Variants in STK33 observed in about 807,000 individuals in gnomAD.
The protein encoded by STK33 is serine/threonine-protein kinase 33.
In STK33, 52 loss-of-function variants were observed where a neutral mutation model predicts 58.0. That is an observed-to-expected ratio of 0.90 (90% CI 0.72 to 1.13). The LOEUF is 1.13. Ranked by LOEUF, STK33 falls within the 50% of genes most tolerant of loss-of-function variation. STK33 has a pLI of 0.00. For synonymous variants in STK33, 215 were observed against 200.1 expected, an observed-to-expected ratio of 1.07 and a Z score of -0.63; for missense variants, 630 against 604.2, an observed-to-expected ratio of 1.04 and a Z score of -0.45.
chr11:8,547,968 C>T (rs1390490881), intron 1 of STK33, among the ~76,000 whole-genome samples: 1 of 146,620 alleles, frequency 6.8e-6, no homozygotes, highest in Non-Finnish European at 1.5e-5. Context: ...ACAATGAGAA[C>T]ACTTGGACAC....
At chr11:8,521,230 A>G (rs946646900) in intron 1 of STK33, among the ~76,000 whole-genome samples, 3 of 152,162 alleles carry the variant, frequency 2.0e-5, no homozygotes, top group Non-Finnish European at 4.4e-5. Context: ...TTCAAACTAT[A>G]TAAGGCTACA....
Position 8,440,762 on chromosome 11 carries a change from C to G in STK33, c.872-9G>C. On this transcript the variant is annotated splice_polypyrimidine_tract_variant and intron_variant, in intron 11 of 15. Coordinates refer to ENST00000687296, the MANE Select transcript of STK33 (RefSeq NM_001352389.2). ...ACTGATAACTTCAGGGGCTGCCAAA[C>G]AAGCAGATATAAAATAACATTAATA... The G allele has an allele frequency of 6.4e-7, 1 of 1,555,726 alleles. No homozygotes were observed. The highest frequency in any genetic ancestry group is 1.7e-4 in the Middle Eastern group (1 of 5,932).
chr11:8,373,025 C>T, the STK33 span, among the ~76,000 whole-genome samples: 1 of 152,154 alleles, frequency 6.6e-6, no homozygotes, highest in Non-Finnish European at 1.5e-5. Context: ...TCCACTGTTC[C>T]CCTTAGGGCA....
chr11:8,400,621 G>A (rs1331588927), intron 15 of STK33, among the ~76,000 whole-genome samples: 1 of 151,848 alleles, frequency 6.6e-6, no homozygotes, highest in Non-Finnish European at 1.5e-5. Flanking sequence ...TCTGGCCAGG[G>A]CAATCAGGCA....
intron 1 of STK33, among the ~76,000 whole-genome samples, chr11:8,534,794 G>A (rs756151969): frequency 7.9e-5 from 12 of 152,044 alleles, no homozygotes; most frequent in Non-Finnish European, 1.8e-4. Flanking sequence ...GTTATAATTA[G>A]AGAACTGCAA....
At chr11:8,568,775 C>T (rs1354584847) in intron 1 of STK33, among the ~76,000 whole-genome samples, 2 of 152,046 alleles carry the variant, frequency 1.3e-5, no homozygotes, top group African/African-American at 4.8e-5. Flanking sequence ...AGTCTTATTC[C>T]CTTACATATC....
chr11:8,421,714 T>G (rs1279033415), intron 14 of STK33, among the ~76,000 whole-genome samples: 1 of 152,188 alleles, frequency 6.6e-6, no homozygotes, highest in Non-Finnish European at 1.5e-5. Flanking sequence ...TTGTGATATA[T>G]CTTTATATTT....
At chr11:8,556,337 A>G (rs918116954) in intron 1 of STK33, among the ~76,000 whole-genome samples, 2 of 152,262 alleles carry the variant, frequency 1.3e-5, no homozygotes, top group Non-Finnish European at 2.9e-5. Flanking sequence ...GATATAGCAC[A>G]GTGAGTATAA....
intron 14 of STK33, among the ~76,000 whole-genome samples, chr11:8,423,186 T>TG (rs1365343184): frequency 3.4e-5 from 5 of 147,292 alleles, no homozygotes; most frequent in African/African-American, 1.3e-4. Context: ...TTATTTATTT[T>TG]GTTTTTTTTT....
chr11:8,448,313 C>G (rs921032514), intron 11 of STK33, among the ~76,000 whole-genome samples: 3 of 152,106 alleles, frequency 2.0e-5, no homozygotes, highest in African/African-American at 7.2e-5. Context: ...AAAAAAGAGC[C>G]CACATTGCCA....
chr11:8,408,751 C>G (rs1939699643), intron 15 of STK33, among the ~76,000 whole-genome samples: 1 of 152,176 alleles, frequency 6.6e-6, no homozygotes, highest in South Asian at 2.1e-4. Flanking sequence ...TATTACAGTG[C>G]AAGGATGCAA....
intron 10 of STK33, among the ~76,000 whole-genome samples, chr11:8,453,404 G>A (rs1254135931): frequency 6.6e-6 from 1 of 151,880 alleles, no homozygotes; most frequent in Admixed American, 6.6e-5. Context: ...TTTATAATTG[G>A]TAAACAGTAT....
intron 1 of STK33, among the ~76,000 whole-genome samples, chr11:8,524,055 T>A (rs1015277252): frequency 6.6e-5 from 10 of 152,206 alleles, no homozygotes; most frequent in African/African-American, 1.9e-4. Context: ...CTGTGTCCAC[T>A]CAGGGTTAAA....
intron 5 of STK33, 173 bp downstream of exon 5, chr11:8,474,508 T>C: frequency 4.1e-6 from 2 of 490,910 alleles, no homozygotes; most frequent in Non-Finnish European, 7.1e-6. Flanking sequence ...TGAAACATCA[T>C]ATAACAAGTT....
In STK33 at chr11:8,464,746, T is replaced by G. The variant is rs145679616; in HGVS notation, c.416A>C (p.Glu139Ala). ...CACTTTTTTAATTGCCCACTTCGTT[T>G]CTGTTTCCTTGTCTGTCGCTTCAAT... The part of the protein sequence containing the change: ...IVIEATDKET[E>A]TKWAIKKVNK... The change falls in exon 7 of 16, where the codon GAA (glutamate) becomes GCA (alanine). Residue 139 changes from glutamate to alanine, a missense_variant. Transcript: ENST00000687296. 57 of 1,613,726 alleles carry G rather than the reference T, an allele frequency of 3.5e-5. 1 individual carries two copies. In the Middle Eastern group the frequency reaches 4.9e-4, roughly 14 times the overall value.
the STK33 span, among the ~76,000 whole-genome samples, chr11:8,368,633 C>T: frequency 6.6e-6 from 1 of 152,224 alleles, no homozygotes; most frequent in African/African-American, 2.4e-5. Context: ...TCTAATTAAC[C>T]CCTCCAGTTC....
At chr11:8,388,066 G>A (rs1210827410), downstream of STK33, among the ~76,000 whole-genome samples, 4 of 152,270 alleles carry the variant, frequency 2.6e-5, no homozygotes, top group East Asian at 1.9e-4. Flanking sequence ...GGGTCTGCAC[G>A]GCGTCTCTAG....
the STK33 span, among the ~76,000 whole-genome samples, chr11:8,385,931 C>T: frequency 7.2e-5 from 11 of 152,142 alleles, no homozygotes; most frequent in South Asian, 6.2e-4. Flanking sequence ...CCCGCCACCA[C>T]GCCCGGCTAA....
chr11:8,484,104 C>T (rs1950040139), intron 1 of STK33, among the ~76,000 whole-genome samples: 1 of 152,168 alleles, frequency 6.6e-6, no homozygotes, highest in Admixed American at 6.5e-5. Context: ...TGTTTGTACT[C>T]ATGCTAAAGT....
Sources: allele counts gnomAD v4.1 joint callset (sites outside exome capture counted in the v4.1 genomes callset), GRCh38; gene constraint gnomAD v4.1.1; transcripts MANE v1.5; gene names NCBI Gene and HGNC (gene_info 2026-07-23, HGNC 2026-07-21).